The following DCUN1D1 variants were observed in gnomAD, a reference collection of about 807,000 sequenced individuals.
The protein encoded by DCUN1D1 is DCN1-like protein 1.
Under a neutral mutation model 39.0 loss-of-function variants are expected in DCUN1D1, and 3 were observed. That is an observed-to-expected ratio of 0.08 (90% CI 0.04 to 0.20). DCUN1D1 has a LOEUF of 0.20. DCUN1D1 is among the 10% of genes least tolerant of loss of function. DCUN1D1 has a pLI of 1.00. For missense variants in DCUN1D1, 158 were observed against 302.4 expected, an observed-to-expected ratio of 0.52 and a Z score of 3.54; for synonymous variants, 82 against 96.3, an observed-to-expected ratio of 0.85 and a Z score of 0.87.
chr3:182,945,016 G>T lies in DCUN1D1; in HGVS notation c.*78C>A. ...GAGGATTGATCTTCAGTTCAGTCCA[G>T]CCAGCAGAAATTGACTGTGCAATTT... On this transcript the variant is annotated 3_prime_UTR_variant, in exon 7 of 7. Coordinates refer to ENST00000292782, the MANE Select transcript of DCUN1D1 (RefSeq NM_020640.4). 2 of 1,251,902 alleles carry T rather than the reference G, an allele frequency of 1.6e-6. No individual in the cohort carries two copies. The highest frequency in any genetic ancestry group is 1.2e-6 in the Non-Finnish European group (1 of 862,564). 77.5% of individuals were successfully genotyped at this position (1,251,902 alleles called of 1,614,324 possible). A position where few individuals can be genotyped will look rare whatever the true frequency, so the allele number is the denominator to read the frequency against.
rs558332335 is a variant in DCUN1D1 at position 182,957,545 on chromosome 3, G to A, written c.520+3681C>T. Among the ~76,000 whole-genome samples, 3 of 152,100 alleles carry A rather than the reference G, an allele frequency of 2.0e-5. No individual in the cohort carries two copies. The South Asian group carries it at 6.2e-4, about 32-fold the overall frequency. On this transcript the variant is annotated intron_variant, in intron 4 of 6. Coordinates refer to ENST00000292782, the MANE Select transcript of DCUN1D1 (RefSeq NM_020640.4). Reference sequence around the variant, plus strand: ...GGAGGCAGAGGCAGGAGGATCACTTGAGCCTAGGAGTTTGAGACTGCAGTG... The same window carrying A: ...GGAGGCAGAGGCAGGAGGATCACTTAAGCCTAGGAGTTTGAGACTGCAGTG...
rs1391125438 is a variant in DCUN1D1, at chr3:182,941,997, ATTCAT to A, written c.*3092_*3096del. The A allele has an allele frequency of 6.6e-6, 1 of 152,166 alleles. No individual in the cohort carries two copies. Among genetic ancestry groups the A allele is most frequent in the Non-Finnish European group, 1.5e-5 (1 of 67,988 alleles). The allele number at this position is 152,166 out of a possible 1,614,324, so 9.4% of individuals were successfully genotyped here. ...CAAATAAAAAATAAATGAACACTTC[ATTCAT>A]TTAAGTCTGAGGAAAAAATAGTGTA... is the stretch of plus-strand genomic sequence containing the variant. On this transcript the variant is annotated 3_prime_UTR_variant, in exon 7 of 7. Transcript: ENST00000292782.
At chr3:182,962,626 TCTTC>T (rs1404628561) in intron 3 of DCUN1D1, among the ~76,000 whole-genome samples, 4 of 152,156 alleles carry the variant, frequency 2.6e-5, no homozygotes, top group African/African-American at 9.7e-5. Flanking sequence ...CTTCTAAATT[TCTTC>T]CTTGTCTGTT....
upstream of DCUN1D1, among the ~76,000 whole-genome samples, chr3:182,981,624 T>C (rs777825256): frequency 2.6e-5 from 4 of 152,222 alleles, no homozygotes; most frequent in Non-Finnish European, 4.4e-5. Context: ...AGAGCTTACC[T>C]ACGTTTCAGA....
intron 4 of DCUN1D1, among the ~76,000 whole-genome samples, chr3:182,959,871 T>G (rs1406265141): frequency 6.6e-6 from 1 of 152,154 alleles, no homozygotes; most frequent in African/African-American, 2.4e-5. Flanking sequence ...TTTGCAACAG[T>G]GAGTTCTTGC....
chr3:182,971,289 G>A lies in DCUN1D1; in HGVS notation c.4-5536C>T, dbSNP rs1245083101. Among the ~76,000 whole-genome samples, 4 of 152,326 alleles carry A rather than the reference G, an allele frequency of 2.6e-5. No individual in the cohort carries two copies. The South Asian group carries it at 6.2e-4, about 24-fold the overall frequency. ...CACAGAGGAAGAAAGATGGACAGGT[G>A]TGGTGGGCTCATGGCTTGTACTCCC... On this transcript the variant is annotated intron_variant, in intron 1 of 6. Coordinates refer to ENST00000292782, the MANE Select transcript of DCUN1D1 (RefSeq NM_020640.4).
At chr3:182,972,713 C>T (rs1019274646) in intron 1 of DCUN1D1, among the ~76,000 whole-genome samples, 2 of 151,942 alleles carry the variant, frequency 1.3e-5, no homozygotes, top group African/African-American at 4.8e-5. Context: ...TAACTCCAGC[C>T]TAAACAACAG....
chr3:182,968,746 C>T (rs1054143874), intron 1 of DCUN1D1, among the ~76,000 whole-genome samples: 5 of 151,930 alleles, frequency 3.3e-5, no homozygotes, highest in African/African-American at 4.8e-5. Flanking sequence ...ATTACAGGCA[C>T]GCACTGCTGC....
intron 1 of DCUN1D1, among the ~76,000 whole-genome samples, chr3:182,977,809 G>A (rs1285803799): frequency 2.6e-5 from 4 of 151,972 alleles, no homozygotes; most frequent in African/African-American, 9.7e-5. Context: ...GGCGGCCGAG[G>A]CAGGTGGATC....
At chr3:182,970,018 C>T (rs550102089) in intron 1 of DCUN1D1, among the ~76,000 whole-genome samples, 1 of 152,204 alleles carries the variant, frequency 6.6e-6, no homozygotes, top group African/African-American at 2.4e-5. Context: ...CTTTGGGAGG[C>T]GGAGGCAGTG....
chr3:182,972,159 TGTCA>T (rs1176203910), intron 1 of DCUN1D1, among the ~76,000 whole-genome samples: 1 of 150,344 alleles, frequency 6.7e-6, no homozygotes, highest in Non-Finnish European at 1.5e-5. Flanking sequence ...TTTATAGTCC[TGTCA>T]GTCTATTTTA....
At position 182,945,077 on chromosome 3, in the gene DCUN1D1, A is replaced by C; in HGVS notation, c.*17T>G. The C allele has an allele frequency of 6.2e-7, 1 of 1,604,778 alleles. No homozygotes were observed. Among genetic ancestry groups the C allele is most frequent in the South Asian group, 1.1e-5 (1 of 90,556 alleles). ...TTATTGTACAGACTATGTACATTCT[A>C]GAAGGTTCCTTTAGTGCTACACTGT... On this transcript the variant is annotated 3_prime_UTR_variant, in exon 7 of 7. Coordinates refer to ENST00000292782, the MANE Select transcript of DCUN1D1 (RefSeq NM_020640.4).
intron 1 of DCUN1D1, among the ~76,000 whole-genome samples, chr3:182,975,851 TAAAAAAAAAAAAA>T (rs533263687): frequency 1.5e-5 from 1 of 66,818 alleles, no homozygotes; most frequent in Non-Finnish European, 2.8e-5. Flanking sequence ...CCAGATATGC[TAAAAAAAAAAAAA>T]AAAAAAAAAA....
rs1481132713 is a variant in DCUN1D1, at chr3:182,943,222, G to A, written c.*1872C>T. On this transcript the variant is annotated 3_prime_UTR_variant, in exon 7 of 7. Transcript: ENST00000292782. ...CCATAACTCAAAATCTTCAAGACAG[G>A]AAACAAAACAGTACATATATATAGA... is the stretch of plus-strand genomic sequence containing the variant. 1.0e-4 allele frequency: 15 copies of A among 145,036 alleles called. No individual in the cohort carries two copies. Among genetic ancestry groups the A allele is most frequent in the Non-Finnish European group, 2.1e-4 (14 of 66,426 alleles). 9.0% of individuals were successfully genotyped at this position (145,036 alleles called of 1,614,324 possible). A position where few individuals can be genotyped will look rare whatever the true frequency, so the allele number is the denominator to read the frequency against.
chr3:182,980,289 C>T, intron 1 of DCUN1D1, 198 bp downstream of exon 1: 1 of 331,306 alleles, frequency 3.0e-6, no homozygotes, highest in Non-Finnish European at 4.3e-6. Context: ...TCTCGCGTAG[C>T]GGCTGCGCCC....
intron 1 of DCUN1D1, among the ~76,000 whole-genome samples, chr3:182,976,780 G>A (rs1442419194): frequency 6.6e-6 from 1 of 152,044 alleles, no homozygotes; most frequent in East Asian, 1.9e-4. Flanking sequence ...TCTCTTCTGT[G>A]ATATATACAT....
intron 1 of DCUN1D1, among the ~76,000 whole-genome samples, chr3:182,972,630 A>G (rs751195830): frequency 2.5e-4 from 38 of 152,106 alleles, no homozygotes; most frequent in Non-Finnish European, 2.9e-4. Flanking sequence ...AGTTCCAGCT[A>G]CTTAGGAGAC....
upstream of DCUN1D1, chr3:182,980,654 G>C: frequency 1.1e-6 from 1 of 927,952 alleles, no homozygotes; most frequent in Non-Finnish European, 1.3e-6. Flanking sequence ...GGGAGGCGGA[G>C]GGACGGAGGC....
chr3:182,980,730 C>CG (rs1422491377), upstream of DCUN1D1: 1 of 157,488 alleles, frequency 6.3e-6, no homozygotes, highest in Non-Finnish European at 1.2e-5. Context: ...TGGGCGGGGG[C>CG]GGGGGGCGCG....
Sources: allele counts gnomAD v4.1 joint callset (sites outside exome capture counted in the v4.1 genomes callset), GRCh38; gene constraint gnomAD v4.1.1; transcripts MANE v1.5; gene names NCBI Gene and HGNC (gene_info 2026-07-23, HGNC 2026-07-21).